Variants in TRIM16 observed in about 807,000 individuals in gnomAD.
TRIM16 encodes tripartite motif-containing protein 16.
TRIM16 carries 33 observed loss-of-function variants against 50.4 expected under a neutral mutation model. That is an observed-to-expected ratio of 0.65 (90% CI 0.50 to 0.88). TRIM16 has a LOEUF of 0.88. Among genes scored for constraint, TRIM16 ranks in the 40% least tolerant of loss-of-function variants. TRIM16 has a pLI of 0.00. For missense variants in TRIM16, 581 were observed against 686.8 expected (o/e 0.85, Z 1.72); for synonymous variants, 229 against 270.7 (o/e 0.85, Z 1.51).
intron 6 of TRIM16, among the ~76,000 whole-genome samples, chr17:15,674,536 C>T (rs1988848546): frequency 6.6e-6 from 1 of 152,122 alleles, no homozygotes; most frequent in African/African-American, 2.4e-5. Flanking sequence ...ACTGCCCCAC[C>T]GCACACCTGG....
At chr17:15,654,606 C>G (rs955092366) in intron 6 of TRIM16, 2 of 152,156 alleles carry the variant, frequency 1.3e-5, no homozygotes, top group Admixed American at 1.3e-4. Flanking sequence ...ATTGTGAAGA[C>G]GCTGTTTCTC....
chr17:15,666,618 T>G (rs1405050793), intron 6 of TRIM16, among the ~76,000 whole-genome samples: 1 of 152,234 alleles, frequency 6.6e-6, no homozygotes, highest in Non-Finnish European at 1.5e-5. Context: ...TTTATCATTA[T>G]AAATTAGTTT....
At chr17:15,663,597 C>T (rs896446098) in intron 6 of TRIM16, among the ~76,000 whole-genome samples, 1 of 152,168 alleles carries the variant, frequency 6.6e-6, no homozygotes, top group African/African-American at 2.4e-5. Context: ...ATCTAAACTG[C>T]TTGTTTTCAG....
intron 3 of TRIM16, chr17:15,681,336 AG>A (rs1395312522): frequency 6.3e-6 from 1 of 159,390 alleles, no homozygotes; most frequent in African/African-American, 2.4e-5. Flanking sequence ...AACAAGAAAA[AG>A]GGAGTCACAG....
At chr17:15,649,454 T>C (rs2150916930) in intron 7 of TRIM16, among the ~76,000 whole-genome samples, 1 of 152,090 alleles carries the variant, frequency 6.6e-6, no homozygotes, top group African/African-American at 2.4e-5. Flanking sequence ...ACCCAGCTAA[T>C]TTTTTGTATT....
At chr17:15,680,260 G>A (rs569545463) in intron 4 of TRIM16, among the ~76,000 whole-genome samples, 9 of 151,198 alleles carry the variant, frequency 6.0e-5, no homozygotes, top group Non-Finnish European at 1.2e-4. Context: ...ATCTCTCTCA[G>A]CCAGACACAT....
chr17:15,664,686 C>T (rs922881503), intron 6 of TRIM16, among the ~76,000 whole-genome samples: 4 of 152,060 alleles, frequency 2.6e-5, no homozygotes, highest in Admixed American at 6.6e-5. Flanking sequence ...AGTGAAGTGG[C>T]TCCTGTCACA....
chr17:15,676,800 T>C (rs1329248816), intron 6 of TRIM16, among the ~76,000 whole-genome samples: 1 of 152,146 alleles, frequency 6.6e-6, no homozygotes, highest in African/African-American at 2.4e-5. Context: ...TATGTCAATT[T>C]TATATCCTTA....
intron 8 of TRIM16, among the ~76,000 whole-genome samples, chr17:15,637,466 C>T (rs1597610581): frequency 9.3e-6 from 1 of 107,820 alleles, no homozygotes; most frequent in Non-Finnish European, 1.9e-5. Context: ...CCGGCCGCCC[C>T]TACTGGGAAG....
In TRIM16 at chr17:15,653,803, A is replaced by C. The variant is rs547260322; in HGVS notation, c.-337-1857T>G. ...TGGAAGCCTCTAGCTCCTTAGAAGA[A>C]AGAGGCTGCGAGGCATGACCCCTGG... On this transcript the variant is annotated intron_variant, in intron 6 of 11. Transcript: ENST00000649191. Among the ~76,000 whole-genome samples the C allele has an allele frequency of 2.6e-5, 4 of 152,322 alleles. No individual in the cohort carries two copies. In the East Asian group the frequency reaches 7.7e-4, roughly 29 times the overall value.
chr17:15,661,996 G>T (rs972154258), intron 6 of TRIM16, among the ~76,000 whole-genome samples: 1 of 152,154 alleles, frequency 6.6e-6, no homozygotes, highest in Admixed American at 6.5e-5. Context: ...GAAGAACATA[G>T]CTTTTTGTTT....
chr17:15,656,685 A>C (rs1987997522), intron 6 of TRIM16, among the ~76,000 whole-genome samples: 2 of 151,162 alleles, frequency 1.3e-5, no homozygotes, highest in Non-Finnish European at 3.0e-5. Context: ...CTCCCCCTCT[A>C]CCCCAGCTCT....
At chr17:15,672,825 A>C (rs1988780852) in intron 6 of TRIM16, among the ~76,000 whole-genome samples, 1 of 152,198 alleles carries the variant, frequency 6.6e-6, no homozygotes, top group African/African-American at 2.4e-5. Flanking sequence ...AACAAAACAA[A>C]AAAGGCTCTG....
intron 8 of TRIM16, among the ~76,000 whole-genome samples, chr17:15,637,121 G>A (rs1275883955): frequency 7.0e-6 from 1 of 143,734 alleles, no homozygotes; most frequent in African/African-American, 2.6e-5. Context: ...GAGGTGGGGG[G>A]GGGGGGTCAG....
At chr17:15,639,751 G>T (rs1987032900) in intron 8 of TRIM16, among the ~76,000 whole-genome samples, 1 of 149,484 alleles carries the variant, frequency 6.7e-6, no homozygotes, top group South Asian at 2.2e-4. Context: ...GAGGCTCAGA[G>T]CACTGTCTGA....
At chr17:15,678,935 C>A (rs1462268148) in intron 4 of TRIM16, among the ~76,000 whole-genome samples, 1 of 150,076 alleles carries the variant, frequency 6.7e-6, no homozygotes, top group South Asian at 2.1e-4. Flanking sequence ...GCAGTGGCCA[C>A]GATGCTCTCG....
rs1477158202 is a variant in TRIM16, at chr17:15,675,015, G to A, written c.-338+2161C>T. Among the ~76,000 whole-genome samples the A allele has an allele frequency of 2.6e-5, 4 of 151,856 alleles. No individual in the cohort carries two copies. In the East Asian group the frequency reaches 7.7e-4, roughly 29 times the overall value. On this transcript the variant is annotated intron_variant, in intron 6 of 11. Transcript: ENST00000649191. The stretch of plus-strand genomic sequence containing the variant: ...CACTATTTCCATCAGTACAAGAAGG[G>A]GCAACAAGCTCAGTTCTGCACAACT...
chr17:15,675,827 T>C (rs537365136), intron 6 of TRIM16, among the ~76,000 whole-genome samples: 8 of 147,476 alleles, frequency 5.4e-5, no homozygotes, highest in African/African-American at 2.0e-4. Flanking sequence ...GCATATATAA[T>C]ATAAAAATAT....
intron 11 of TRIM16, among the ~76,000 whole-genome samples, 154 bp from the exon 12 acceptor site, chr17:15,629,352 G>A (rs1465966493): frequency 6.6e-6 from 1 of 152,228 alleles, no homozygotes; most frequent in African/African-American, 2.4e-5. Context: ...TAGGAAATGA[G>A]GTGAGTGAAG....
Sources: allele counts gnomAD v4.1 joint callset (sites outside exome capture counted in the v4.1 genomes callset), GRCh38; gene constraint gnomAD v4.1.1; transcripts MANE v1.5; gene names NCBI Gene and HGNC (gene_info 2026-07-23, HGNC 2026-07-21).